The following GRB10 variants were observed in gnomAD, a reference collection of about 807,000 sequenced individuals.
GRB10 encodes the protein growth factor receptor bound protein 10, also known as growth factor receptor-bound protein 10.
GRB10 carries 20 observed loss-of-function variants against 80.9 expected under a neutral mutation model. The ratio of observed to expected loss-of-function variants is 0.25; its 90% CI spans 0.17 to 0.36. The LOEUF is 0.36. Among genes scored for constraint, GRB10 ranks in the 10% least tolerant of loss-of-function variants. The pLI is 1.00. For synonymous variants in GRB10, 291 were observed against 291.5 expected (o/e 1.00, Z 0.02); for missense variants, 548 against 747.7 (o/e 0.73, Z 3.12).
At chr7:50,606,465 G>A (rs41315249) in intron 13 of GRB10, 51 bp from the exon 14 acceptor site, 30,188 of 1,346,140 alleles carry the variant, frequency 0.022, 462 homozygotes, top group Middle Eastern at 0.04. Context: ...CCCGAGGCCC[G>A]GCATGTGACA....
rs201944217 is a variant in GRB10, at chr7:50,683,806, TACC to T, written c.140-9151_140-9149del. 5.1e-4 allele frequency among the ~76,000 whole-genome samples: 77 copies of T among 152,326 alleles called. No homozygotes were observed. In the East Asian group the frequency reaches 0.01, roughly 21 times the overall value. ...GTGGTAAATTGTGTTAGGTATATTT[TACC>T]ACAATTAAAAATAATAATTAAAAAA... is the stretch of plus-strand genomic sequence containing the variant. On this transcript the variant is annotated intron_variant, in intron 5 of 18. Coordinates refer to ENST00000401949, the MANE Select transcript of GRB10 (RefSeq NM_001350814.2).
intron 5 of GRB10, among the ~76,000 whole-genome samples, chr7:50,698,926 T>C (rs2063792170): frequency 6.6e-6 from 1 of 152,254 alleles, no homozygotes; most frequent in Admixed American, 6.5e-5. Flanking sequence ...TCCTGATCCA[T>C]GATCATAATA....
Position 50,631,510 on chromosome 7 carries a change from G to C in GRB10, c.505-4532C>G, listed in dbSNP as rs144438072. ...ATCTAGCATACTTTTTAGTTCAAAA[G>C]CTCTTTTAGGATGTAATGTAAAATG... On this transcript the variant is annotated intron_variant, in intron 7 of 18. Coordinates refer to ENST00000401949, the MANE Select transcript of GRB10 (RefSeq NM_001350814.2). Among the ~76,000 whole-genome samples the C allele has an allele frequency of 2.0e-3, 300 of 152,324 alleles. 1 individual carries two copies. Among genetic ancestry groups the C allele is most frequent in the African/African-American group, 6.9e-3 (285 of 41,574 alleles).
intron 17 of GRB10, among the ~76,000 whole-genome samples, chr7:50,599,019 A>T (rs2047131836): frequency 6.6e-6 from 1 of 152,168 alleles, no homozygotes; most frequent in Non-Finnish European, 1.5e-5. Flanking sequence ...ATTGTTTGGC[A>T]GAGAGGACTA....
At chr7:50,716,031 CAG>C in intron 4 of GRB10, among the ~76,000 whole-genome samples, 1 of 152,320 alleles carries the variant, frequency 6.6e-6, no homozygotes, top group East Asian at 1.9e-4. Context: ...AAGGTCAAGG[CAG>C]AGAGGAGAGC....
intron 17 of GRB10, 71 bp from the exon 18 acceptor site, chr7:50,595,601 TTACA>T (rs779684629): frequency 3.6e-6 from 2 of 556,336 alleles, no homozygotes; most frequent in Middle Eastern, 3.5e-4. Context: ...ACACACTCTC[TTACA>T]CACACACACA....
chr7:50,628,399 T>C (rs2053386797), intron 7 of GRB10, among the ~76,000 whole-genome samples: 2 of 152,104 alleles, frequency 1.3e-5, no homozygotes, highest in Admixed American at 1.3e-4. Flanking sequence ...GTGGCCGGCG[T>C]GGAGTCTGAC....
chr7:50,615,357 C>T (rs923639874), intron 11 of GRB10, among the ~76,000 whole-genome samples: 4 of 152,196 alleles, frequency 2.6e-5, no homozygotes, highest in Non-Finnish European at 5.9e-5. Context: ...ACCCTCCCAA[C>T]TTCAGCACAC....
chr7:50,635,741 T>G (rs554915855), intron 7 of GRB10, among the ~76,000 whole-genome samples: 3 of 152,034 alleles, frequency 2.0e-5, no homozygotes, highest in Admixed American at 2.0e-4. Flanking sequence ...CATCACAGAT[T>G]ATTATGAACA....
intron 4 of GRB10, among the ~76,000 whole-genome samples, chr7:50,717,478 C>T (rs184307651): frequency 6.6e-5 from 10 of 152,124 alleles, no homozygotes; most frequent in African/African-American, 2.4e-4. Context: ...CATGCGCATG[C>T]GTCACAGTCA....
At chr7:50,708,419 T>C (rs79706062) in intron 4 of GRB10, among the ~76,000 whole-genome samples, 2,969 of 152,292 alleles carry the variant, frequency 0.019, 111 homozygotes, top group African/African-American at 0.068. Context: ...GGGAAAAAGT[T>C]AGCCACTGTG....
At chr7:50,654,983 A>G (rs2058480220) in intron 7 of GRB10, among the ~76,000 whole-genome samples, 1 of 152,084 alleles carries the variant, frequency 6.6e-6, no homozygotes, top group African/African-American at 2.4e-5. Context: ...AACAAAAACA[A>G]TGTTGTTCTT....
intron 7 of GRB10, among the ~76,000 whole-genome samples, chr7:50,650,694 T>C (rs2057899516): frequency 6.6e-6 from 1 of 152,118 alleles, no homozygotes; most frequent in African/African-American, 2.4e-5. Context: ...AAACAGGTGG[T>C]AGACACAGCA....
chr7:50,788,070 T>C (rs1313732083), intron 1 of GRB10, among the ~76,000 whole-genome samples: 1 of 152,188 alleles, frequency 6.6e-6, no homozygotes, highest in East Asian at 1.9e-4. Context: ...CAGGAAGCTG[T>C]GGTACAAACT....
chr7:50,626,220 T>TA (rs1253528627), intron 8 of GRB10, among the ~76,000 whole-genome samples: 1 of 152,240 alleles, frequency 6.6e-6, no homozygotes, highest in Non-Finnish European at 1.5e-5. Flanking sequence ...TCTTACTTTT[T>TA]AGGCATGACA....
chr7:50,707,221 G>A (rs1183117152), intron 4 of GRB10, among the ~76,000 whole-genome samples: 2 of 152,118 alleles, frequency 1.3e-5, no homozygotes, highest in Non-Finnish European at 2.9e-5. Context: ...TCCTCTTCCT[G>A]ACATTTATTT....
chr7:50,635,289 T>G (rs1230962182), intron 7 of GRB10, among the ~76,000 whole-genome samples: 1 of 152,036 alleles, frequency 6.6e-6, no homozygotes, highest in Non-Finnish European at 1.5e-5. Flanking sequence ...GACTTTTGGG[T>G]AAACAATGAA....
chr7:50,611,615 T>C (rs1419362657), intron 13 of GRB10, among the ~76,000 whole-genome samples: 1 of 152,194 alleles, frequency 6.6e-6, no homozygotes, highest in Non-Finnish European at 1.5e-5. Context: ...ATCCTTAATG[T>C]CTCTGGAATC....
intron 2 of GRB10, among the ~76,000 whole-genome samples, chr7:50,769,769 AC>A (rs532302623): frequency 9.4e-4 from 142 of 151,110 alleles, no homozygotes; most frequent in Non-Finnish European, 1.3e-3. Flanking sequence ...TCTCTGCAAC[AC>A]CCTTCTCTCC....
Sources: allele counts gnomAD v4.1 joint callset (sites outside exome capture counted in the v4.1 genomes callset), GRCh38; gene constraint gnomAD v4.1.1; transcripts MANE v1.5; gene names NCBI Gene and HGNC (gene_info 2026-07-23, HGNC 2026-07-21).